KCTD21: variants seen among roughly 807,000 people sequenced by gnomAD.
KCTD21 encodes potassium channel tetramerization domain containing 21.
Under a neutral mutation model 13.2 loss-of-function variants are expected in KCTD21, and 9 were observed. That is an observed-to-expected ratio of 0.68 (90% confidence interval 0.41 to 1.19). The LOEUF is 1.19. Among genes scored for constraint, KCTD21 ranks in the 50% most tolerant of loss-of-function variants. The pLI, the probability that KCTD21 is intolerant of heterozygous loss-of-function variation, is 0.01. For missense variants in KCTD21, 303 were observed against 336.5 expected (o/e 0.90, Z 0.78); for synonymous variants, 142 against 137.4 (o/e 1.03, Z -0.23).
intron 1 of KCTD21, chr11:78,188,144 C>T (rs1235616901): frequency 3.0e-6 from 3 of 985,366 alleles, no homozygotes; most frequent in Non-Finnish European, 3.6e-6. Context: ...TCTGTGTCTC[C>T]GCCCTTCCTT....
At chr11:78,186,211 T>C (rs947375806) in intron 1 of KCTD21, among the ~76,000 whole-genome samples, 2 of 145,692 alleles carry the variant, frequency 1.4e-5, no homozygotes, top group Non-Finnish European at 3.0e-5. Context: ...CTCGTTTCTA[T>C]AGAGAAAAAA....
intron 1 of KCTD21, among the ~76,000 whole-genome samples, chr11:78,185,035 G>A (rs894739230): frequency 3.3e-5 from 5 of 152,138 alleles, no homozygotes; most frequent in South Asian, 2.1e-4. Flanking sequence ...ATTGCACCTG[G>A]CAGAAAATTT....
At chr11:78,175,890 T>A (rs1333510029) in intron 1 of KCTD21, among the ~76,000 whole-genome samples, 1 of 147,450 alleles carries the variant, frequency 6.8e-6, no homozygotes, top group East Asian at 2.2e-4. Flanking sequence ...CCCCTCCCCC[T>A]ACCCCACAAC....
intron 1 of KCTD21, 172 bp from the exon 2 acceptor site, chr11:78,174,755 G>A (rs1862397310): frequency 2.0e-6 from 1 of 502,200 alleles, no homozygotes; most frequent in South Asian, 3.8e-5. Flanking sequence ...CTTCACTAGG[G>A]AGAGGGAAAG....
At chr11:78,187,998 T>A (rs1404433482) in intron 1 of KCTD21, 1 of 985,296 alleles carries the variant, frequency 1.0e-6, no homozygotes, top group East Asian at 1.1e-4. Flanking sequence ...ATCACTGGTG[T>A]GCCGCACTGA....
At chr11:78,178,581 A>G (rs1381197488) in intron 1 of KCTD21, among the ~76,000 whole-genome samples, 2 of 152,176 alleles carry the variant, frequency 1.3e-5, no homozygotes, top group Admixed American at 6.5e-5. Context: ...ACTGAGCCTC[A>G]GTCCCCTATG....
rs376447562 is a variant in KCTD21 at position 78,174,435 on chromosome 11, C to T, written c.120G>A (p.Lys40=). Residue 40 remains lysine, a synonymous_variant, in exon 2 of 2, where the codon AAG becomes AAA. Transcript: ENST00000340067. ...TGAAGCAGTTGCCCTGGCTGTCCCT[C>T]TTGGTGGGCATCTTCCCGCTGAACA... ...GAMFSGKMPT[K]RDSQGNCFID... 5.6e-6 allele frequency: 9 copies of T among 1,614,128 alleles called. No homozygotes were observed. The highest frequency in any genetic ancestry group is 2.7e-5 in the African/African-American group (2 of 75,026).
In KCTD21 at chr11:78,188,579, C is replaced by T. The variant is rs1263199412; in HGVS notation, c.-36G>A. The T allele has an allele frequency of 2.0e-6, 2 of 985,734 alleles. No homozygotes were observed. Among genetic ancestry groups the T allele is most frequent in the East Asian group, 2.3e-4 (2 of 8,816 alleles). 61.1% of individuals were successfully genotyped at this position (985,734 alleles called of 1,614,324 possible). A position where few individuals can be genotyped will look rare whatever the true frequency, so the allele number is the denominator to read the frequency against. ...CCGGCCGTGCCGCACCCACCTCCTG[C>T]CCTCGCTCTGCAGCCTCTCCCTCCG... On this transcript the variant is annotated 5_prime_UTR_variant, in exon 1 of 2. Transcript: ENST00000340067.
rs1565379004 is a variant in KCTD21, at chr11:78,171,649, G to A, written c.*2123C>T. On this transcript the variant is annotated 3_prime_UTR_variant, in exon 2 of 2. Transcript: ENST00000340067. ...GGGACAGCTGTCTTTTTTTGGGATGGAGTCTCTCTGCAATGGCACACTCTC... is the reference window on the plus strand; with the variant it reads ...GGGACAGCTGTCTTTTTTTGGGATGAAGTCTCTCTGCAATGGCACACTCTC... 6.6e-6 allele frequency: 1 copy of A among 152,178 alleles called. No individual in the cohort carries two copies. The highest frequency in any genetic ancestry group is 1.5e-5 in the Non-Finnish European group (1 of 68,042). 9.4% of individuals were successfully genotyped at this position (152,178 alleles called of 1,614,324 possible). A position where few individuals can be genotyped will look rare whatever the true frequency, so the allele number is the denominator to read the frequency against.
intron 1 of KCTD21, among the ~76,000 whole-genome samples, chr11:78,180,510 A>T (rs929656846): frequency 6.6e-6 from 1 of 152,250 alleles, no homozygotes; most frequent in South Asian, 2.1e-4. Flanking sequence ...AAACAAAAAC[A>T]AAAACAAAAC....
At chr11:78,180,481 T>C (rs1184757503) in intron 1 of KCTD21, among the ~76,000 whole-genome samples, 1 of 152,172 alleles carries the variant, frequency 6.6e-6, no homozygotes, top group Non-Finnish European at 1.5e-5. Context: ...GCCGACATGG[T>C]GAAACCCTAT....
intron 1 of KCTD21, among the ~76,000 whole-genome samples, chr11:78,183,512 G>A (rs1862688727): frequency 6.6e-6 from 1 of 151,318 alleles, no homozygotes; most frequent in Non-Finnish European, 1.5e-5. Flanking sequence ...CACCAGCCAG[G>A]GCAACAGAGT....
intron 1 of KCTD21, chr11:78,176,999 G>A (rs1271352003): frequency 1.3e-5 from 2 of 152,244 alleles, no homozygotes; most frequent in African/African-American, 4.8e-5. Flanking sequence ...GCAGACAGAG[G>A]GAGATCCGGT....
intron 1 of KCTD21, chr11:78,187,897 C>A: frequency 1.0e-6 from 1 of 985,422 alleles, no homozygotes. Flanking sequence ...TGGTTTTAGG[C>A]AAGTCCCTTC....
At chr11:78,178,578 C>A (rs1862524173) in intron 1 of KCTD21, among the ~76,000 whole-genome samples, 2 of 152,174 alleles carry the variant, frequency 1.3e-5, no homozygotes, top group Admixed American at 1.3e-4. Flanking sequence ...ACCACTGAGC[C>A]TCAGTCCCCT....
intron 1 of KCTD21, chr11:78,187,179 T>G (rs1862804548): frequency 1.0e-6 from 1 of 985,246 alleles, no homozygotes; most frequent in Non-Finnish European, 1.2e-6. Flanking sequence ...TACTGTGTTT[T>G]CCAGTAAGTG....
chr11:78,188,049 G>A (rs1862849487), intron 1 of KCTD21: 4 of 985,318 alleles, frequency 4.1e-6, no homozygotes. Flanking sequence ...GTAAAGGGAG[G>A]TGTTCTATGC....
intron 1 of KCTD21, among the ~76,000 whole-genome samples, chr11:78,180,652 T>G (rs1303953025): frequency 9.7e-6 from 1 of 103,300 alleles, no homozygotes; most frequent in Non-Finnish European, 2.3e-5. Flanking sequence ...TGCTACTATA[T>G]ACCTATTAGT....
chr11:78,172,673 A>G lies in KCTD21; in HGVS notation c.*1099T>C, dbSNP rs1189455655. The G allele has an allele frequency of 6.6e-6, 1 of 152,246 alleles. No individual in the cohort carries two copies. The highest frequency in any genetic ancestry group is 2.4e-5 in the African/African-American group (1 of 41,452). 9.4% of individuals were successfully genotyped at this position (152,246 alleles called of 1,614,324 possible). A position where few individuals can be genotyped will look rare whatever the true frequency, so the allele number is the denominator to read the frequency against. On this transcript the variant is annotated 3_prime_UTR_variant, in exon 2 of 2. Coordinates refer to ENST00000340067, the MANE Select transcript of KCTD21 (RefSeq NM_001029859.3). ...GAAAGCAAAGATATATAACTGGGTGAATGGGAAGGTCTGCAACCAAGATCC... is the reference window on the plus strand; with the variant it reads ...GAAAGCAAAGATATATAACTGGGTGGATGGGAAGGTCTGCAACCAAGATCC...
Sources: allele counts gnomAD v4.1 joint callset (sites outside exome capture counted in the v4.1 genomes callset), GRCh38; gene constraint gnomAD v4.1.1; transcripts MANE v1.5; gene names NCBI Gene and HGNC (gene_info 2026-07-23, HGNC 2026-07-21).